ULK4: variants seen among roughly 807,000 people sequenced by gnomAD.
ULK4 encodes the protein inactive serine/threonine-protein kinase ULK4.
ULK4 carries 133 observed loss-of-function variants against 160.6 expected under a neutral mutation model. That is an observed-to-expected ratio of 0.83 (90% CI 0.72 to 0.96). The LOEUF is 0.96. Ranked by LOEUF, ULK4 falls within the 40% of genes least tolerant of loss-of-function variation. ULK4 has a pLI of 0.00. For missense variants in ULK4, 1,580 were observed against 1,499.5 expected, an observed-to-expected ratio of 1.05 and a Z score of -0.89; for synonymous variants, 534 against 539.8, an observed-to-expected ratio of 0.99 and a Z score of 0.15.
chr3:41,726,438 C>A (rs376331900), intron 22 of ULK4, among the ~76,000 whole-genome samples: 11 of 152,146 alleles, frequency 7.2e-5, no homozygotes, highest in Non-Finnish European at 4.4e-5. Flanking sequence ...ATAAAGGAGA[C>A]AAAATGTGGA....
At chr3:41,499,047 G>A (rs1042120083) in intron 32 of ULK4, among the ~76,000 whole-genome samples, 1 of 151,788 alleles carries the variant, frequency 6.6e-6, no homozygotes, top group Non-Finnish European at 1.5e-5. Context: ...AAAATGCTGT[G>A]GTAAGTGAAA....
chr3:41,494,506 T>G (rs1575307953), intron 32 of ULK4, among the ~76,000 whole-genome samples: 2 of 150,618 alleles, frequency 1.3e-5, no homozygotes, highest in African/African-American at 4.9e-5. Flanking sequence ...AGCATTCCCT[T>G]TGAAAACTGG....
intron 32 of ULK4, among the ~76,000 whole-genome samples, chr3:41,514,835 G>A (rs1237073016): frequency 1.3e-5 from 2 of 152,126 alleles, no homozygotes; most frequent in East Asian, 3.8e-4. Flanking sequence ...ATGCTATTCT[G>A]TTGATGGATA....
chr3:41,788,870 C>A (rs968113620), intron 21 of ULK4, among the ~76,000 whole-genome samples: 1 of 152,040 alleles, frequency 6.6e-6, no homozygotes, highest in African/African-American at 2.4e-5. Flanking sequence ...TATAGCCAGG[C>A]CTACTTTATT....
intron 17 of ULK4, among the ~76,000 whole-genome samples, chr3:41,876,466 C>T (rs1697305855): frequency 6.6e-6 from 1 of 152,170 alleles, no homozygotes; most frequent in Non-Finnish European, 1.5e-5. Flanking sequence ...TTTCATTAGT[C>T]AAAGCATTTT....
At chr3:41,652,443 T>C (rs943993614) in intron 30 of ULK4, among the ~76,000 whole-genome samples, 1 of 152,150 alleles carries the variant, frequency 6.6e-6, no homozygotes, top group Non-Finnish European at 1.5e-5. Context: ...CCTGGGTTTG[T>C]TTCTGCAGGA....
At chr3:41,705,397 T>C (rs1033134495) in intron 25 of ULK4, 92 bp from the exon 26 acceptor site, 27 of 851,662 alleles carry the variant, frequency 3.2e-5, no homozygotes, top group African/African-American at 6.9e-5. Context: ...ACTGTACCTA[T>C]TGTTTTTAAT....
At chr3:41,873,135 G>C (rs1697165320) in intron 17 of ULK4, among the ~76,000 whole-genome samples, 1 of 152,140 alleles carries the variant, frequency 6.6e-6, no homozygotes, top group Non-Finnish European at 1.5e-5. Context: ...CTGGCCGACA[G>C]GGCGAGACTC....
chr3:41,616,070 A>T (rs559238086), intron 30 of ULK4, among the ~76,000 whole-genome samples: 1 of 152,344 alleles, frequency 6.6e-6, no homozygotes, highest in Non-Finnish European at 1.5e-5. Flanking sequence ...TTAAATCATA[A>T]AATGACACAC....
At chr3:41,668,026 T>A (rs971069471) in intron 29 of ULK4, among the ~76,000 whole-genome samples, 2 of 152,196 alleles carry the variant, frequency 1.3e-5, no homozygotes, top group African/African-American at 4.8e-5. Context: ...TGGATAATCA[T>A]GAGAAAATAT....
At chr3:41,634,523 G>A (rs1264088253) in intron 30 of ULK4, among the ~76,000 whole-genome samples, 1 of 152,196 alleles carries the variant, frequency 6.6e-6, no homozygotes, top group Non-Finnish European at 1.5e-5. Flanking sequence ...AAAATGCATG[G>A]CAAGTAGCAG....
intron 20 of ULK4, among the ~76,000 whole-genome samples, chr3:41,792,870 A>AT (rs1221275143): frequency 6.6e-6 from 1 of 152,200 alleles, no homozygotes; most frequent in Non-Finnish European, 1.5e-5. Flanking sequence ...GTTTTTAAAC[A>AT]TTTACTTATT....
intron 18 of ULK4, among the ~76,000 whole-genome samples, chr3:41,830,222 A>G (rs958614115): frequency 6.6e-6 from 1 of 152,076 alleles, no homozygotes; most frequent in Non-Finnish European, 1.5e-5. Context: ...GGTGCAGCAC[A>G]CCAACATGAC....
intron 35 of ULK4, among the ~76,000 whole-genome samples, chr3:41,392,486 C>T (rs185636862): frequency 1.4e-4 from 22 of 152,194 alleles, no homozygotes; most frequent in African/African-American, 3.9e-4. Flanking sequence ...GAGGGATCTG[C>T]TACATTATTC....
At chr3:41,882,754 G>C (rs1697569765) in intron 17 of ULK4, among the ~76,000 whole-genome samples, 1 of 152,178 alleles carries the variant, frequency 6.6e-6, no homozygotes, top group South Asian at 2.1e-4. Flanking sequence ...TTGGCACTTT[G>C]TCTTGGACTT....
intron 29 of ULK4, among the ~76,000 whole-genome samples, chr3:41,677,564 C>G (rs754096554): frequency 1.3e-5 from 2 of 151,986 alleles, no homozygotes; most frequent in Non-Finnish European, 2.9e-5. Context: ...ATCTCCTGAC[C>G]TTATGATCCG....
intron 22 of ULK4, among the ~76,000 whole-genome samples, chr3:41,731,430 G>A (rs968920896): frequency 4.6e-5 from 7 of 151,948 alleles, no homozygotes; most frequent in Non-Finnish European, 8.8e-5. Context: ...TCAAGGAGGT[G>A]AAAGCCCTCT....
At chr3:41,301,916 C>T (rs1200097385) in intron 35 of ULK4, among the ~76,000 whole-genome samples, 2 of 152,078 alleles carry the variant, frequency 1.3e-5, no homozygotes, top group African/African-American at 4.8e-5. Context: ...ATATTTATAT[C>T]GATAAATTTA....
intron 34 of ULK4, among the ~76,000 whole-genome samples, chr3:41,421,571 T>A (rs371257269): frequency 6.6e-6 from 1 of 152,198 alleles, no homozygotes; most frequent in Non-Finnish European, 1.5e-5. Flanking sequence ...AAATATTAGA[T>A]GATGTTTTTC....
Sources: allele counts gnomAD v4.1 joint callset (sites outside exome capture counted in the v4.1 genomes callset), GRCh38; gene constraint gnomAD v4.1.1; transcripts MANE v1.5; gene names NCBI Gene and HGNC (gene_info 2026-07-23, HGNC 2026-07-21).